PTPRN2: variants seen among roughly 807,000 people sequenced by gnomAD.
PTPRN2 encodes the protein protein tyrosine phosphatase receptor type N2, also known as receptor-type tyrosine-protein phosphatase N2.
In PTPRN2, 74 loss-of-function variants were observed where a neutral mutation model predicts 118.8. The observed-to-expected ratio is 0.62, with a 90% CI of 0.52 to 0.76. The LOEUF is 0.76. Among genes scored for constraint, PTPRN2 ranks in the 30% least tolerant of loss-of-function variants. PTPRN2 has a pLI of 0.00. For missense variants in PTPRN2, 1,481 were observed against 1,394.4 expected, an observed-to-expected ratio of 1.06 and a Z score of -0.99; for synonymous variants, 641 against 608.0, an observed-to-expected ratio of 1.05 and a Z score of -0.80.
chr7:158,067,599 C>T (rs904783671), intron 11 of PTPRN2, among the ~76,000 whole-genome samples: 10 of 152,162 alleles, frequency 6.6e-5, no homozygotes, highest in Non-Finnish European at 1.0e-4. Flanking sequence ...GTTTCTGTAA[C>T]GGGCTGGAGA....
intron 13 of PTPRN2, chr7:157,669,604 T>A: frequency 2.1e-6 from 1 of 473,186 alleles, no homozygotes. Flanking sequence ...CAGCCCACGA[T>A]GAGCGATGTT....
intron 6 of PTPRN2, among the ~76,000 whole-genome samples, chr7:158,150,930 G>A (rs1444189514): frequency 6.6e-6 from 1 of 151,890 alleles, no homozygotes; most frequent in Non-Finnish European, 1.5e-5. Flanking sequence ...ACAACACCGA[G>A]AAGCTGGGAA....
At chr7:157,738,934 C>G (rs1800463197) in intron 12 of PTPRN2, 1 of 152,166 alleles carries the variant, frequency 6.6e-6, no homozygotes, top group Admixed American at 6.5e-5. Flanking sequence ...AGGGGTGCAG[C>G]CCAGGAGACA....
chr7:157,765,201 C>T (rs1024199405), intron 12 of PTPRN2, among the ~76,000 whole-genome samples: 18 of 151,046 alleles, frequency 1.2e-4, no homozygotes, highest in Non-Finnish European at 2.1e-4. Context: ...TTCCTCCATG[C>T]ATCCATCCTT....
At chr7:158,411,370 C>T (rs1414884418) in intron 2 of PTPRN2, among the ~76,000 whole-genome samples, 4 of 152,130 alleles carry the variant, frequency 2.6e-5, no homozygotes, top group African/African-American at 4.8e-5. Flanking sequence ...GCACTGCGCA[C>T]TGCTGCCCCT....
At chr7:158,284,359 G>A (rs1307530783) in intron 3 of PTPRN2, among the ~76,000 whole-genome samples, 1 of 152,142 alleles carries the variant, frequency 6.6e-6, no homozygotes, top group Non-Finnish European at 1.5e-5. Flanking sequence ...CACTGTGTGT[G>A]TGCCAGGCAC....
At chr7:158,511,547 T>C (rs1272587007) in intron 1 of PTPRN2, among the ~76,000 whole-genome samples, 1 of 152,212 alleles carries the variant, frequency 6.6e-6, no homozygotes, top group Non-Finnish European at 1.5e-5. Context: ...ATCCCTCCCA[T>C]ACCTGTCTCT....
chr7:158,138,512 G>T lies in PTPRN2; in HGVS notation c.914C>A (p.Ala305Glu), dbSNP rs755771215. 7.2e-5 allele frequency: 116 copies of T among 1,610,192 alleles called. No individual in the cohort carries two copies. Among genetic ancestry groups the T allele is most frequent in the Non-Finnish European group, 9.7e-5 (115 of 1,179,694 alleles). The part of the protein sequence containing the change: ...SEDPSSTGDG[A>E]RIHTLLKDLQ... ...GTCCTTCAGGAGGGTATGAATCCGTGCTCCTAGGGGCACACACACAAACAC... is the reference window on the plus strand; with the variant it reads ...GTCCTTCAGGAGGGTATGAATCCGTTCTCCTAGGGGCACACACACAAACAC... The change falls in exon 7 of 23, where the codon GCA (alanine) becomes GAA (glutamate). Residue 305 changes from alanine to glutamate, a missense_variant. Physicochemically the swap from Ala to Glu is moderately radical, Grantham distance 107 (BLOSUM62 -1). Around this residue, in one of 3 missense-constraint regions of PTPRN2, gnomAD observed 1,115 missense variants for 994.2 expected, o/e 1.12. Coordinates refer to ENST00000389418, the MANE Select transcript of PTPRN2 (RefSeq NM_002847.5).
At chr7:158,308,741 T>C (rs948565508) in intron 3 of PTPRN2, among the ~76,000 whole-genome samples, 2 of 152,104 alleles carry the variant, frequency 1.3e-5, no homozygotes, top group Non-Finnish European at 2.9e-5. Context: ...ATTAATCTTC[T>C]AGCAAACACT....
In PTPRN2 at chr7:157,784,996, G is replaced by A. The variant is rs1803935210; in HGVS notation, c.1789-102059C>T. On this transcript the variant is annotated intron_variant, in intron 12 of 22. Transcript: ENST00000389418. This position sits in a 1 kb window ranked among gnomAD's most constrained non-coding sequence, Gnocchi z 4.6. ...GGAGCCGAGGCCCTCTGTCCAGGCG[G>A]CTGAGGTCACGCGGTCTCTTCAGTT... 1.3e-5 allele frequency among the ~76,000 whole-genome samples: 2 copies of A among 152,184 alleles called. No individual in the cohort carries two copies. Among genetic ancestry groups the A allele is most frequent in the African/African-American group, 2.4e-5 (1 of 41,432 alleles).
intron 9 of PTPRN2, among the ~76,000 whole-genome samples, chr7:158,129,232 C>T (rs62649317): frequency 0.29 from 42,658 of 147,798 alleles, 6,886 homozygotes; most frequent in Middle Eastern, 0.45. Flanking sequence ...ACACCACACA[C>T]GACACACAAC....
At chr7:158,151,510 C>CCCCTGCCCACACCACCCACCTTTCTAT (rs1174838390) in intron 6 of PTPRN2, among the ~76,000 whole-genome samples, 1 of 20,602 alleles carries the variant, frequency 4.9e-5, no homozygotes, top group African/African-American at 1.5e-4. Flanking sequence ...CGCCTTTCTG[C>CCCCTGCCCACACCACCCACCTTTCTAT]TCCTCACCGC....
At chr7:158,145,378 G>C (rs111701753) in intron 6 of PTPRN2, among the ~76,000 whole-genome samples, 2,689 of 151,858 alleles carry the variant, frequency 0.018, 35 homozygotes, top group Non-Finnish European at 0.028. Context: ...ACATCATCGT[G>C]AGAAGGGGCG....
rs1371189109 is a variant in PTPRN2, at chr7:158,181,206, GTTTGTT to G, written c.549+11115_549+11120del. On this transcript the variant is annotated intron_variant, in intron 5 of 22. Coordinates refer to ENST00000389418, the MANE Select transcript of PTPRN2 (RefSeq NM_002847.5). ...GCATCTATTGAGATAATCGTATGGT[GTTTGTT>G]TTTAACTGTTTATGTGACGTATCAC... Among the ~76,000 whole-genome samples, 3 of 152,174 alleles carry G rather than the reference GTTTGTT, an allele frequency of 2.0e-5. No homozygotes were observed. The East Asian group carries it at 5.8e-4, about 29-fold the overall frequency.
chr7:157,622,554 G>A lies in PTPRN2; in HGVS notation c.2197-1045C>T, dbSNP rs534329113. On this transcript the variant is annotated intron_variant, in intron 14 of 22. Transcript: ENST00000389418. This position sits in a 1 kb window ranked among gnomAD's most constrained non-coding sequence, Gnocchi z 5.3. ...GGGAGGGCTGGACACGGCGAGGCGG[G>A]AATCTCAGGTCATCGTGCCGTCTAG... is the stretch of plus-strand genomic sequence containing the variant. Among the ~76,000 whole-genome samples, 7 of 152,272 alleles carry A rather than the reference G, an allele frequency of 4.6e-5. No homozygotes were observed. The highest frequency in any genetic ancestry group is 2.0e-4 in the Admixed American group (3 of 15,306).
chr7:157,829,530 G>A (rs1038151003), intron 12 of PTPRN2, among the ~76,000 whole-genome samples: 8 of 152,218 alleles, frequency 5.3e-5, no homozygotes, highest in African/African-American at 1.9e-4. Context: ...GATGCTAAAC[G>A]GCGTGAAAGC....
At chr7:158,239,978 A>G (rs1409172383) in intron 3 of PTPRN2, among the ~76,000 whole-genome samples, 2 of 152,208 alleles carry the variant, frequency 1.3e-5, no homozygotes, top group African/African-American at 4.8e-5. Flanking sequence ...GAAGTGAGCT[A>G]TAATCCCAAG....
At chr7:158,431,840 C>T (rs894119727) in intron 2 of PTPRN2, among the ~76,000 whole-genome samples, 1 of 152,352 alleles carries the variant, frequency 6.6e-6, no homozygotes, top group Admixed American at 6.5e-5. Flanking sequence ...GCCACCCACC[C>T]GAGGGACAGG....
At chr7:157,613,919 C>T in intron 15 of PTPRN2, 1 of 422,514 alleles carries the variant, frequency 2.4e-6, no homozygotes, top group South Asian at 1.8e-5. Context: ...ACTCCTCGAG[C>T]CCCTTACAGG....
Sources: allele counts gnomAD v4.1 joint callset (sites outside exome capture counted in the v4.1 genomes callset), GRCh38; gene constraint gnomAD v4.1.1; regional missense constraint gnomAD v4.1.1; non-coding constraint Gnocchi (gnomAD v3.1); transcripts MANE v1.5; gene names NCBI Gene and HGNC (gene_info 2026-07-23, HGNC 2026-07-21).